The following OSBPL2 variants were observed in gnomAD, a reference collection of about 807,000 sequenced individuals.
The protein encoded by OSBPL2 is oxysterol-binding protein-related protein 2.
A neutral mutation model predicts 58.4 loss-of-function variants in OSBPL2; 18 were observed. The ratio of observed to expected loss-of-function variants is 0.31; its 90% confidence interval spans 0.21 to 0.46. The LOEUF is 0.46. Ranked by LOEUF, OSBPL2 falls within the 20% of genes least tolerant of loss-of-function variation. The pLI is 1.00. For missense variants in OSBPL2, 461 were observed against 616.5 expected, an observed-to-expected ratio of 0.75 and a Z score of 2.67; for synonymous variants, 221 against 234.1, an observed-to-expected ratio of 0.94 and a Z score of 0.51.
intron 10 of OSBPL2, 53 bp from the exon 11 acceptor site, chr20:62,286,529 TG>T: frequency 6.4e-7 from 1 of 1,571,056 alleles, no homozygotes; most frequent in Non-Finnish European, 8.7e-7. Context: ...GCTGTCCTCC[TG>T]GCCAAGAGCG....
intron 1 of OSBPL2, among the ~76,000 whole-genome samples, chr20:62,248,310 A>G (rs1980288936): frequency 6.6e-6 from 1 of 151,774 alleles, no homozygotes; most frequent in East Asian, 2.0e-4. Context: ...GCACGCCACC[A>G]TGCCTGGCTA....
intron 6 of OSBPL2, among the ~76,000 whole-genome samples, chr20:62,275,278 G>C (rs2145956255): frequency 6.6e-6 from 1 of 152,254 alleles, no homozygotes. Context: ...AATTTAATTT[G>C]TATCCCTTTT....
chr20:62,279,459 A>T (rs1982636331), intron 7 of OSBPL2, 120 bp downstream of exon 7: 3 of 1,009,280 alleles, frequency 3.0e-6, no homozygotes, highest in Admixed American at 2.6e-5. Context: ...TGAGGTGGGG[A>T]CCTCCCCACA....
chr20:62,287,242 T>C (rs184002551), intron 11 of OSBPL2, among the ~76,000 whole-genome samples: 173 of 152,390 alleles, frequency 1.1e-3, no homozygotes, highest in African/African-American at 4.1e-3. Context: ...ATGTGATATA[T>C]GGTTATATGA....
At chr20:62,266,315 A>G (rs1261459975) in intron 4 of OSBPL2, among the ~76,000 whole-genome samples, 1 of 152,100 alleles carries the variant, frequency 6.6e-6, no homozygotes, top group Non-Finnish European at 1.5e-5. Flanking sequence ...CTTACACTTC[A>G]CTTTGAAACA....
intron 1 of OSBPL2, among the ~76,000 whole-genome samples, chr20:62,239,723 T>A (rs79563908): frequency 0.011 from 1,742 of 152,338 alleles, 26 homozygotes; most frequent in African/African-American, 0.04. Context: ...AGGGGCCACA[T>A]GCTGGGAAGC....
At chr20:62,248,413 C>A (rs575492995) in intron 1 of OSBPL2, among the ~76,000 whole-genome samples, 1 of 152,254 alleles carries the variant, frequency 6.6e-6, no homozygotes, top group South Asian at 2.1e-4. Context: ...ACCTCGGCCT[C>A]CCAAAGTGCT....
intron 2 of OSBPL2, among the ~76,000 whole-genome samples, chr20:62,258,279 G>A (rs769224739): frequency 8.5e-5 from 13 of 152,152 alleles, no homozygotes; most frequent in East Asian, 5.8e-4. Flanking sequence ...CTCTTTATGC[G>A]ATGAAATACC....
At chr20:62,264,443 G>A (rs1378762706) in intron 4 of OSBPL2, among the ~76,000 whole-genome samples, 1 of 152,172 alleles carries the variant, frequency 6.6e-6, no homozygotes. Context: ...CGTGCCTCCT[G>A]TACCGTGCTG....
chr20:62,255,234 A>C (rs1409107407), intron 1 of OSBPL2: 2 of 151,648 alleles, frequency 1.3e-5, no homozygotes, highest in Non-Finnish European at 2.9e-5. Context: ...AGTAGCTGGG[A>C]TTACAGGTGC....
At chr20:62,267,805 G>A (rs773893136) in intron 4 of OSBPL2, among the ~76,000 whole-genome samples, 2 of 152,202 alleles carry the variant, frequency 1.3e-5, no homozygotes, top group Non-Finnish European at 2.9e-5. Context: ...TGTCTTTGCT[G>A]AGACAGCACA....
At chr20:62,243,356 A>T (rs1289808524) in intron 1 of OSBPL2, among the ~76,000 whole-genome samples, 1 of 152,194 alleles carries the variant, frequency 6.6e-6, no homozygotes, top group Non-Finnish European at 1.5e-5. Flanking sequence ...GCGGAAGCAG[A>T]GCCAGGGCAG....
At chr20:62,275,311 G>C (rs899336436) in intron 6 of OSBPL2, among the ~76,000 whole-genome samples, 3 of 152,008 alleles carry the variant, frequency 2.0e-5, no homozygotes, top group African/African-American at 7.2e-5. Context: ...ATTTTCCTGT[G>C]ACATTAAAAA....
intron 2 of OSBPL2, among the ~76,000 whole-genome samples, chr20:62,257,748 T>C (rs1016663008): frequency 9.3e-5 from 14 of 151,332 alleles, no homozygotes; most frequent in Non-Finnish European, 1.9e-4. Flanking sequence ...AGAGTCTTGC[T>C]TTGTCGCCCA....
rs1397416659 is a variant in OSBPL2 at position 62,279,229 on chromosome 20, A to G, written c.564A>G (p.Glu188=). ...HHPPISAFHS[E]GLNHDFLFHG... is the part of the protein sequence containing the mutation. ...CCCCCATCAGTGCGTTCCACTCGGA[A>G]GGTCTCAACCATGACTTCCTGTTCC... The change falls in exon 7 of 14, where the codon GAA becomes GAG. Residue 188 remains glutamate (E), a synonymous_variant. Coordinates refer to ENST00000313733, the MANE Select transcript of OSBPL2 (RefSeq NM_144498.4). The G allele has an allele frequency of 1.9e-6, 3 of 1,614,224 alleles. No individual in the cohort carries two copies. The highest frequency in any genetic ancestry group is 2.7e-5 in the African/African-American group (2 of 75,068).
chr20:62,274,830 C>T (rs1325770999), intron 6 of OSBPL2, among the ~76,000 whole-genome samples: 1 of 152,208 alleles, frequency 6.6e-6, no homozygotes, highest in Non-Finnish European at 1.5e-5. Context: ...AGAGTGCAGA[C>T]GGGAGGGAAG....
chr20:62,291,510 A>C, intron 12 of OSBPL2, 193 bp from the exon 13 acceptor site: 6 of 617,232 alleles, frequency 9.7e-6, no homozygotes, highest in Admixed American at 2.2e-5. Flanking sequence ...CCGCTTGGGA[A>C]GGGCCCTGTT....
At chr20:62,291,838 CCA>C (rs1399624363) in intron 13 of OSBPL2, 45 bp downstream of exon 13, 1 of 1,557,954 alleles carries the variant, frequency 6.4e-7, no homozygotes, top group Non-Finnish European at 8.8e-7. Flanking sequence ...CGGGGAGGCC[CCA>C]CACACACCTG....
chr20:62,265,874 T>G (rs1981628921), intron 4 of OSBPL2, among the ~76,000 whole-genome samples: 1 of 152,170 alleles, frequency 6.6e-6, no homozygotes, highest in African/African-American at 2.4e-5. Context: ...GCTCATGCCC[T>G]CAGGAAAGCT....
Sources: allele counts gnomAD v4.1 joint callset (sites outside exome capture counted in the v4.1 genomes callset), GRCh38; gene constraint gnomAD v4.1.1; transcripts MANE v1.5; gene names NCBI Gene and HGNC (gene_info 2026-07-23, HGNC 2026-07-21).